Variants in P2RY8 observed in about 807,000 individuals in gnomAD.
The protein encoded by P2RY8 is P2Y receptor family member 8.
A neutral mutation model predicts 10.0 loss-of-function variants in P2RY8; 6 were observed. The observed-to-expected ratio is 0.60, with a 90% CI of 0.33 to 1.19. The LOEUF is 1.19. Among genes scored for constraint, P2RY8 ranks in the 50% most tolerant of loss-of-function variants. The pLI, the probability that P2RY8 is intolerant of heterozygous loss-of-function variation, is 0.04. For synonymous variants in P2RY8, 276 were observed against 252.5 expected (o/e 1.09, Z -0.88); for missense variants, 456 against 542.0 (o/e 0.84, Z 1.58).
intron 1 of P2RY8, among the ~76,000 whole-genome samples, chrX:1,508,085 G>A (rs1569538006): frequency 6.6e-6 from 1 of 152,144 alleles, no homozygotes; most frequent in Non-Finnish European, 1.5e-5. Flanking sequence ...GGGTTTGGGG[G>A]AAAAATCCAG....
In P2RY8 at chrX:1,465,906, A is replaced by G. The variant is rs766834448; in HGVS notation, c.653T>C (p.Leu218Pro). ...ITVACYTATI[L>P]KLLRTEEAHG... Reference sequence around the variant, plus strand: ...CGCCTCCTCCGTGCGCAACAGCTTGAGGATGGTGGCCGTGTAACAAGCCAC... The same window carrying G: ...CGCCTCCTCCGTGCGCAACAGCTTGGGGATGGTGGCCGTGTAACAAGCCAC... The change falls in exon 2 of 2, where the codon CTC (leucine) becomes CCC (proline). Residue 218 changes from leucine (L) to proline (P), a missense_variant. Transcript: ENST00000381297. 1.2e-6 allele frequency: 2 copies of G among 1,612,398 alleles called. No homozygotes were observed.
At chrX:1,491,074 C>G (rs1251318368) in intron 1 of P2RY8, among the ~76,000 whole-genome samples, 40 of 150,146 alleles carry the variant, frequency 2.7e-4, no homozygotes, top group Non-Finnish European at 4.4e-4. Context: ...GAATGATACC[C>G]AGATATTCCC....
intron 1 of P2RY8, among the ~76,000 whole-genome samples, chrX:1,499,120 C>T (rs113077826): frequency 6.6e-6 from 1 of 151,086 alleles, no homozygotes; most frequent in Non-Finnish European, 1.5e-5. Context: ...GGCATGAGCC[C>T]CTGCACCCAA....
intron 1 of P2RY8, among the ~76,000 whole-genome samples, chrX:1,533,313 G>A (rs1272249438): frequency 4.1e-5 from 6 of 147,812 alleles, no homozygotes; most frequent in Non-Finnish European, 8.9e-5. Context: ...CTTTCTTGAG[G>A]CAAATAAAAG....
intron 1 of P2RY8, among the ~76,000 whole-genome samples, chrX:1,506,838 C>T (rs59122766): frequency 0.47 from 70,454 of 151,454 alleles, 17,241 homozygotes; most frequent in African/African-American, 0.6. Flanking sequence ...CCACCACGCC[C>T]GGCTAATTTT....
intron 1 of P2RY8, among the ~76,000 whole-genome samples, chrX:1,498,661 G>A (rs1267709908): frequency 6.7e-6 from 1 of 150,218 alleles, no homozygotes; most frequent in Non-Finnish European, 1.5e-5. Context: ...GGGATTACAG[G>A]CACGCGCCAC....
intron 1 of P2RY8, among the ~76,000 whole-genome samples, chrX:1,497,752 T>C (rs1257315671): frequency 1.3e-5 from 2 of 152,102 alleles, no homozygotes; most frequent in African/African-American, 4.8e-5. Context: ...CCGGACTTGC[T>C]GAGGTGTGGA....
intron 1 of P2RY8, among the ~76,000 whole-genome samples, chrX:1,523,799 C>T (rs2092410105): frequency 1.3e-5 from 2 of 152,314 alleles, no homozygotes; most frequent in Non-Finnish European, 2.9e-5. Context: ...TCTCCTGCCT[C>T]AGCCTCCCCA....
Position 1,537,127 on chromosome X carries a change from C to G in P2RY8, c.-231G>C, listed in dbSNP as rs1265835746. ...CCTTCCAGTTCCATCTGTCCAGCAA[C>G]CTTGCAAAGGCGGCCGCTTCGCTGG... On this transcript the variant is annotated 5_prime_UTR_variant, in exon 1 of 2. Coordinates refer to ENST00000381297, the MANE Select transcript of P2RY8 (RefSeq NM_178129.5). 2 of 232,808 alleles carry G rather than the reference C, an allele frequency of 8.6e-6. No individual in the cohort carries two copies. The highest frequency in any genetic ancestry group is 1.2e-4 in the East Asian group (2 of 16,540). The allele number at this position is 232,808 out of a possible 1,614,324, so 14.4% of individuals were successfully genotyped here. A position where few individuals can be genotyped will look rare whatever the true frequency, so the allele number is the denominator to read the frequency against.
chrX:1,501,436 AC>A (rs2149397896), intron 1 of P2RY8, among the ~76,000 whole-genome samples: 1 of 152,034 alleles, frequency 6.6e-6, no homozygotes, highest in South Asian at 2.1e-4. Context: ...TATATAGCTC[AC>A]TGCAACCTCA....
rs756366975 is a variant in P2RY8 at position 1,472,955 on chromosome X, G to C, written c.-24-6373C>G. 2.7e-3 allele frequency among the ~76,000 whole-genome samples: 347 copies of C among 130,088 alleles called. 2 individuals are homozygous for C. Among genetic ancestry groups the C allele is most frequent in the African/African-American group, 9.8e-3 (337 of 34,364 alleles). 85.3% of individuals were successfully genotyped at this position (130,088 alleles called of 152,430 possible). On this transcript the variant is annotated intron_variant, in intron 1 of 1. Transcript: ENST00000381297. ...GGGCGGGTGAGTGGATGAGTGCATG[G>C]GTGGGCGGATGGGTGGGTGGATGGA...
At chrX:1,471,845 T>A (rs1438354615) in intron 1 of P2RY8, among the ~76,000 whole-genome samples, 1 of 152,096 alleles carries the variant, frequency 6.6e-6, no homozygotes, top group Non-Finnish European at 1.5e-5. Context: ...TAACCACCCC[T>A]CTTTCCTGAG....
At chrX:1,468,628 C>A (rs1174933308) in intron 1 of P2RY8, among the ~76,000 whole-genome samples, 1 of 151,872 alleles carries the variant, frequency 6.6e-6, no homozygotes, top group Non-Finnish European at 1.5e-5. Context: ...CGGTGTCTGG[C>A]CTGCAGAGGT....
chrX:1,517,799 A>G (rs1412890214), intron 1 of P2RY8, among the ~76,000 whole-genome samples: 1 of 152,100 alleles, frequency 6.6e-6, no homozygotes, highest in Non-Finnish European at 1.5e-5. Context: ...CCTGGTCCTC[A>G]ATATTTTCTG....
At position 1,463,043 on chromosome X, in the gene P2RY8, T is replaced by C. The variant is rs2149365698; in HGVS notation, c.*2436A>G. The C allele has an allele frequency of 8.6e-6, 2 of 233,142 alleles. No individual in the cohort carries two copies. Among genetic ancestry groups the C allele is most frequent in the East Asian group, 1.2e-4 (2 of 16,596 alleles). 14.4% of individuals were successfully genotyped at this position (233,142 alleles called of 1,614,324 possible). A position where few individuals can be genotyped will look rare whatever the true frequency, so the allele number is the denominator to read the frequency against. ...TTCCTTTGCTGGGGGACGTCAGGGT[T>C]CTCGCACGTTGTCGAGGAAGGATAT... is the stretch of plus-strand genomic sequence containing the variant. On this transcript the variant is annotated 3_prime_UTR_variant, in exon 2 of 2. Transcript: ENST00000381297.
At chrX:1,484,091 G>A (rs1262155091) in intron 1 of P2RY8, among the ~76,000 whole-genome samples, 1 of 152,000 alleles carries the variant, frequency 6.6e-6, no homozygotes, top group African/African-American at 2.4e-5. Flanking sequence ...CTAAAAAGCT[G>A]GGTTCCCCTA....
At position 1,463,385 on chromosome X, in the gene P2RY8, C is replaced by T. The variant is rs2091614327; in HGVS notation, c.*2094G>A. On this transcript the variant is annotated 3_prime_UTR_variant, in exon 2 of 2. Transcript: ENST00000381297. Reference sequence around the variant, plus strand: ...CTGGAGGCTCTAGGGGAGGATCCTTCCTGCCTCTCCCAGCTCCTGGGGGCT... The same window carrying T: ...CTGGAGGCTCTAGGGGAGGATCCTTTCTGCCTCTCCCAGCTCCTGGGGGCT... The T allele has an allele frequency of 8.6e-6, 2 of 232,670 alleles. No individual in the cohort carries two copies. The highest frequency in any genetic ancestry group is 8.5e-6 in the Non-Finnish European group (1 of 117,762). The allele number at this position is 232,670 out of a possible 1,614,324, so 14.4% of individuals were successfully genotyped here.
intron 1 of P2RY8, among the ~76,000 whole-genome samples, chrX:1,468,646 C>G: frequency 6.6e-6 from 1 of 151,742 alleles, no homozygotes; most frequent in Non-Finnish European, 1.5e-5. Flanking sequence ...GGTGGCTGTC[C>G]AGAAATTTCT....
At chrX:1,524,840 TCCA>T (rs2092428757) in intron 1 of P2RY8, among the ~76,000 whole-genome samples, 1 of 111,646 alleles carries the variant, frequency 9.0e-6, no homozygotes, top group African/African-American at 3.0e-5. Context: ...CATCCATCCA[TCCA>T]TCCATCCACT....
Sources: gnomAD v4.1 joint callset for allele counts (sites outside exome capture counted in the v4.1 genomes callset) on GRCh38, gnomAD v4.1.1 for gene constraint, MANE v1.5 for transcripts, NCBI Gene and HGNC (gene_info 2026-07-23, HGNC 2026-07-21) for gene names.